Variants in ZDHHC11 observed in about 807,000 individuals in gnomAD.
ZDHHC11 encodes the protein palmitoyltransferase ZDHHC11.
Under a neutral mutation model 51.3 loss-of-function variants are expected in ZDHHC11, and 44 were observed. The ratio of observed to expected loss-of-function variants is 0.86; its 90% confidence interval spans 0.67 to 1.10. The LOEUF (loss-of-function observed/expected upper bound fraction) is 1.10. Ranked by LOEUF, ZDHHC11 falls within the 50% of genes least tolerant of loss-of-function variation. The pLI, the probability that ZDHHC11 is intolerant of heterozygous loss-of-function variation, is 0.00. For synonymous variants in ZDHHC11, 163 were observed against 222.0 expected (o/e 0.73, Z 2.36); for missense variants, 400 against 537.7 (o/e 0.74, Z 2.53).
At chr5:828,776 A>C (rs1742684184) in intron 7 of ZDHHC11, among the ~76,000 whole-genome samples, 1 of 148,480 alleles carries the variant, frequency 6.7e-6, no homozygotes, top group African/African-American at 2.5e-5. Context: ...CAATGAATTT[A>C]AGAAAGTCAG....
chr5:843,116 A>T (rs1357204065), intron 4 of ZDHHC11, among the ~76,000 whole-genome samples: 1 of 152,296 alleles, frequency 6.6e-6, no homozygotes, highest in African/African-American at 2.4e-5. Context: ...CAGTGTGAGC[A>T]TCGGTTCCCG....
At chr5:808,587 G>A (rs1561236139) in intron 11 of ZDHHC11, among the ~76,000 whole-genome samples, 2 of 149,604 alleles carry the variant, frequency 1.3e-5, no homozygotes, top group Non-Finnish European at 3.0e-5. Flanking sequence ...CCAGGCTGGA[G>A]TGCAGTGGCA....
chr5:816,436 C>T, intron 10 of ZDHHC11: 1 of 454,012 alleles, frequency 2.2e-6, no homozygotes. Context: ...CAGGCAGTGG[C>T]CGTAGCGGCA....
intron 11 of ZDHHC11, among the ~76,000 whole-genome samples, chr5:803,490 A>T (rs921233370): frequency 6.6e-5 from 10 of 151,444 alleles, no homozygotes; most frequent in Admixed American, 6.6e-4. Context: ...CCAGCCTTTA[A>T]CAAGAGAAAA....
intron 1 of ZDHHC11, among the ~76,000 whole-genome samples, chr5:856,776 A>G (rs897431245): frequency 8.7e-5 from 13 of 150,166 alleles, no homozygotes; most frequent in African/African-American, 3.2e-4. Flanking sequence ...CACCACACAC[A>G]GCACACCACA....
intron 3 of ZDHHC11, among the ~76,000 whole-genome samples, chr5:847,066 C>A (rs541480153): frequency 0.017 from 2,364 of 139,162 alleles, 59 homozygotes; most frequent in African/African-American, 0.07. Context: ...CTATGAGCCT[C>A]CACCGTGCTC....
At chr5:798,451 G>C (rs539520053) in intron 12 of ZDHHC11, among the ~76,000 whole-genome samples, 2 of 151,438 alleles carry the variant, frequency 1.3e-5, no homozygotes, top group East Asian at 3.9e-4. Context: ...CAGTTTCGGA[G>C]CATTGTCCGA....
intron 11 of ZDHHC11, among the ~76,000 whole-genome samples, chr5:805,095 A>T (rs1739063057): frequency 6.6e-6 from 1 of 151,466 alleles, no homozygotes; most frequent in South Asian, 2.1e-4. Context: ...CAACAGCAAT[A>T]TAAAGGGTGA....
At chr5:834,946 T>A (rs1453911626) in intron 6 of ZDHHC11, among the ~76,000 whole-genome samples, 1 of 152,042 alleles carries the variant, frequency 6.6e-6, no homozygotes, top group African/African-American at 2.4e-5. Flanking sequence ...AAACCAAACC[T>A]GCAGTATCTC....
intron 1 of ZDHHC11, among the ~76,000 whole-genome samples, chr5:855,989 CAGCA>C (rs1041890387): frequency 2.6e-5 from 4 of 151,920 alleles, no homozygotes; most frequent in African/African-American, 9.7e-5. Flanking sequence ...CCGCGGAGGA[CAGCA>C]AGCAAGGGGC....
chr5:798,986 C>CT lies in ZDHHC11; in HGVS notation c.*7+2113dup, dbSNP rs578014498. Among the ~76,000 whole-genome samples the CT allele has an allele frequency of 7.2e-5, 11 of 152,092 alleles. No individual in the cohort carries two copies. The South Asian group carries it at 1.9e-3, about 26-fold the overall frequency. Reference sequence around the variant, plus strand: ...TGAGTTTGGGCTTCTATAAAACACACTGAGCCATCTTGTTTCAGTCACTAA... The same window carrying CT: ...TGAGTTTGGGCTTCTATAAAACACACTTGAGCCATCTTGTTTCAGTCACTAA... On this transcript the variant is annotated intron_variant, in intron 12 of 12. Coordinates refer to ENST00000283441, the MANE Select transcript of ZDHHC11 (RefSeq NM_024786.3).
At chr5:806,727 G>A (rs1739312008) in intron 11 of ZDHHC11, among the ~76,000 whole-genome samples, 2 of 151,240 alleles carry the variant, frequency 1.3e-5, no homozygotes, top group African/African-American at 4.9e-5. Context: ...AGGGACATGA[G>A]CAAGTGCTTC....
At position 821,880 on chromosome 5, in the gene ZDHHC11, G is replaced by C; in HGVS notation, c.1039C>G (p.Pro347Ala). 1 of 1,605,954 alleles carries C rather than the reference G, an allele frequency of 6.2e-7. No homozygotes were observed. The change falls in exon 9 of 13, where the codon CCG (proline) becomes GCG (alanine). Residue 347 changes from proline to alanine, a missense_variant. Transcript: ENST00000283441. ...ACTCACCCAAGTGCAGATGGACACG[G>C]GTCTTCATCCCCTTCCTGTGGGGAA... ...DSTAREGDEDPCPSALGAKAR... is the reference protein window; with the variant it reads ...DSTAREGDEDACPSALGAKAR...
intron 7 of ZDHHC11, among the ~76,000 whole-genome samples, chr5:831,830 A>G (rs1415193750): frequency 6.7e-6 from 1 of 149,998 alleles, no homozygotes; most frequent in Non-Finnish European, 1.5e-5. Flanking sequence ...GAAAAGGAAC[A>G]CTTTTACACT....
At chr5:802,646 C>A (rs541448005) in intron 11 of ZDHHC11, among the ~76,000 whole-genome samples, 13 of 149,906 alleles carry the variant, frequency 8.7e-5, no homozygotes, top group African/African-American at 3.2e-4. Context: ...AACTCTGCAA[C>A]CTGGTCAGAC....
rs1342281981 is a variant in ZDHHC11, at chr5:850,650, G to A, written c.-48C>T. 12 of 1,591,062 alleles carry A rather than the reference G, an allele frequency of 7.5e-6. 1 individual carries two copies. Among genetic ancestry groups the A allele is most frequent in the Middle Eastern group, 1.7e-4 (1 of 5,978 alleles). ...ACCTGCGCCGTCAGATCCTGGGAGG[G>A]CCGGCCCCGCCCACTGTCACAGAGA... On this transcript the variant is annotated 5_prime_UTR_variant, in exon 1 of 13. Transcript: ENST00000283441.
intron 11 of ZDHHC11, among the ~76,000 whole-genome samples, chr5:808,628 C>G (rs193190323): frequency 0.025 from 3,662 of 147,752 alleles, 81 homozygotes; most frequent in African/African-American, 0.079. Context: ...CTTCACCTCC[C>G]AGGTTCAAGC....
At chr5:853,830 TG>T (rs1302479026), upstream of ZDHHC11, among the ~76,000 whole-genome samples, 4 of 63,932 alleles carry the variant, frequency 6.3e-5, no homozygotes, top group Non-Finnish European at 9.1e-5. Context: ...GACAGCCAGC[TG>T]GGGGCACAGA....
rs763656208 is a variant in ZDHHC11, at chr5:829,916, A to T, written c.935+3857T>A. On this transcript the variant is annotated intron_variant, in intron 7 of 12. Transcript: ENST00000283441. ...CAGAGATCTCAATAGATGCAGAAAA[A>T]GCATCTGACAAACTCTGCCATCCCT... Among the ~76,000 whole-genome samples, 14 of 151,358 alleles carry T rather than the reference A, an allele frequency of 9.2e-5. 1 individual carries two copies. The highest frequency in any genetic ancestry group is 1.9e-4 in the Non-Finnish European group (13 of 67,828).
Sources: gnomAD v4.1 joint callset for allele counts (sites outside exome capture counted in the v4.1 genomes callset) on GRCh38, gnomAD v4.1.1 for gene constraint, MANE v1.5 for transcripts, NCBI Gene and HGNC (gene_info 2026-07-23, HGNC 2026-07-21) for gene names.